IL12RB2: variants seen among roughly 807,000 people sequenced by gnomAD.
IL12RB2 encodes the protein interleukin 12 receptor subunit beta 2.
In IL12RB2, 82 loss-of-function variants were observed where a neutral mutation model predicts 89.4. The observed-to-expected ratio is 0.92, with a 90% CI of 0.77 to 1.10. The LOEUF is 1.10. IL12RB2 is among the 50% of genes least tolerant of loss of function. IL12RB2 has a pLI of 0.00. For synonymous variants in IL12RB2, 368 were observed against 370.1 expected (o/e 0.99, Z 0.07); for missense variants, 963 against 1,031.9 (o/e 0.93, Z 0.92).
At chr1:67,325,866 G>T (rs1361910472) in intron 4 of IL12RB2, among the ~76,000 whole-genome samples, 1 of 152,180 alleles carries the variant, frequency 6.6e-6, no homozygotes, top group Non-Finnish European at 1.5e-5. Context: ...TGACTGAATA[G>T]CTGAGTATTT....
chr1:67,372,063 G>GGTGC (rs1334740337), intron 11 of IL12RB2, among the ~76,000 whole-genome samples: 1 of 84,650 alleles, frequency 1.2e-5, no homozygotes, highest in Non-Finnish European at 2.9e-5. Context: ...AAGCAGTCTG[G>GGTGC]GTGCGTGTGT....
At chr1:67,381,700 A>G (rs1664593329) in intron 14 of IL12RB2, among the ~76,000 whole-genome samples, 1 of 150,378 alleles carries the variant, frequency 6.6e-6, no homozygotes, top group African/African-American at 2.4e-5. Context: ...CAGGAGGCGG[A>G]GCTTGCAGTG....
intron 1 of IL12RB2, among the ~76,000 whole-genome samples, chr1:67,313,221 G>GT (rs17838099): frequency 2.0e-5 from 3 of 152,244 alleles, no homozygotes; most frequent in East Asian, 3.9e-4. Context: ...AATAGCATCA[G>GT]ATACGGTTAC....
intron 8 of IL12RB2, among the ~76,000 whole-genome samples, chr1:67,333,783 T>A (rs1413339925): frequency 1.3e-5 from 2 of 152,186 alleles, no homozygotes; most frequent in Non-Finnish European, 2.9e-5. Context: ...GCTCAAGGTG[T>A]CCAGACATGC....
At position 67,330,698 on chromosome 1, in the gene IL12RB2, G is replaced by C. The variant is rs185092197; in HGVS notation, c.846G>C (p.Leu282=). Residue 282 remains leucine (L), a synonymous_variant, in exon 8 of 17, where the codon CTG becomes CTC. Transcript: ENST00000674203. ...VTKAKGRHDL[L]DLKPFTEYEF... ...AGGCCAAAGGAAGACATGATTTGCT[G>C]GATCTGAAACCATTTACAGAATATG... 14 of 1,557,090 alleles carry C rather than the reference G, an allele frequency of 9.0e-6. No individual in the cohort carries two copies. The Admixed American group carries it at 1.2e-4, about 13-fold the overall frequency.
intron 4 of IL12RB2, among the ~76,000 whole-genome samples, chr1:67,325,826 C>T (rs996967062): frequency 6.6e-6 from 1 of 152,156 alleles, no homozygotes; most frequent in African/African-American, 2.4e-5. Flanking sequence ...TGTATCTACA[C>T]GTGGGTCTGG....
At chr1:67,347,644 T>C (rs1208897999) in intron 9 of IL12RB2, among the ~76,000 whole-genome samples, 1 of 152,170 alleles carries the variant, frequency 6.6e-6, no homozygotes, top group African/African-American at 2.4e-5. Context: ...ATTTAAATCA[T>C]TTCCCACAGG....
At position 67,351,018 on chromosome 1, in the gene IL12RB2, C is replaced by T. The variant is rs61731150; in HGVS notation, c.1187C>T (p.Ala396Val). Residue 396 changes from alanine to valine, a missense_variant, in exon 10 of 17, where the codon GCT becomes GTT. Transcript: ENST00000674203. ...VIPRTGNWAVAVSAANSKGSS... is the reference protein window; with the variant it reads ...VIPRTGNWAVVVSAANSKGSS... ...CCTAGAACCGGAAATTGGGCTGTGGCTGTGTCTGCAGCAAATTCAAAAGGC... is the reference window on the plus strand; with the variant it reads ...CCTAGAACCGGAAATTGGGCTGTGGTTGTGTCTGCAGCAAATTCAAAAGGC... 5,060 of 1,614,040 alleles carry T rather than the reference C, an allele frequency of 3.1e-3. 43 individuals carry two copies. Among genetic ancestry groups the T allele is most frequent in the African/African-American group, 0.024 (1,767 of 75,040 alleles).
chr1:67,352,384 C>T (rs1351358911), intron 10 of IL12RB2, among the ~76,000 whole-genome samples: 1 of 152,234 alleles, frequency 6.6e-6, no homozygotes, highest in South Asian at 2.1e-4. Context: ...TCTGTTCCCT[C>T]TGCCAAGTTT....
intron 13 of IL12RB2, among the ~76,000 whole-genome samples, chr1:67,373,095 C>T (rs1663550304): frequency 6.6e-6 from 1 of 152,120 alleles, no homozygotes; most frequent in African/African-American, 2.4e-5. Flanking sequence ...AATAAAGTCA[C>T]TTCAGTACTG....
At chr1:67,374,566 C>T (rs1286772784) in intron 13 of IL12RB2, among the ~76,000 whole-genome samples, 4 of 151,594 alleles carry the variant, frequency 2.6e-5, no homozygotes, top group Non-Finnish European at 4.4e-5. Flanking sequence ...ACCTCTACCT[C>T]CCGGGTTCAA....
At chr1:67,372,595 G>C (rs750989714) in intron 12 of IL12RB2, 30 bp from the exon 13 acceptor site, 5 of 1,611,644 alleles carry the variant, frequency 3.1e-6, no homozygotes, top group African/African-American at 1.3e-5. Flanking sequence ...TTTGGAGGGT[G>C]ACAGAAGCCT....
Position 67,338,688 on chromosome 1 carries a change from T to A in IL12RB2, c.1023T>A (p.Ile341=). ...ACATTGACTACAGTAGACAACAGAT[T>A]TCTCTTTTCTGGAAGGTGAGTTTTA... The part of the protein sequence containing the change: ...KRHIDYSRQQ[I]SLFWKNLSVS... The change falls in exon 9 of 17, where the codon ATT becomes ATA. Residue 341 remains isoleucine, a synonymous_variant. Transcript: ENST00000674203. 6.6e-7 allele frequency: 1 copy of A among 1,517,726 alleles called. No homozygotes were observed. Among genetic ancestry groups the A allele is most frequent in the Non-Finnish European group, 9.2e-7 (1 of 1,092,072 alleles). The allele number at this position is 1,517,726 out of a possible 1,614,324, so 94.0% of individuals were successfully genotyped here.
chr1:67,355,568 G>A (rs1661304256), intron 10 of IL12RB2, among the ~76,000 whole-genome samples: 1 of 152,108 alleles, frequency 6.6e-6, no homozygotes, highest in African/African-American at 2.4e-5. Context: ...CATAAACACA[G>A]GCTCACAGAG....
At chr1:67,360,908 G>T (rs998463611) in intron 10 of IL12RB2, among the ~76,000 whole-genome samples, 1 of 152,086 alleles carries the variant, frequency 6.6e-6, no homozygotes, top group Non-Finnish European at 1.5e-5. Context: ...TAACCAGCCT[G>T]GTGGGAGGAA....
At chr1:67,370,953 T>C (rs908015083) in intron 11 of IL12RB2, among the ~76,000 whole-genome samples, 8 of 152,224 alleles carry the variant, frequency 5.3e-5, no homozygotes, top group African/African-American at 9.6e-5. Context: ...TGAACTCACA[T>C]TTTGAATGGC....
intron 4 of IL12RB2, among the ~76,000 whole-genome samples, chr1:67,322,600 C>G (rs1656708880): frequency 6.6e-6 from 1 of 152,106 alleles, no homozygotes; most frequent in African/African-American, 2.4e-5. Context: ...ACAGCTTCAA[C>G]AGAAAATGCA....
At chr1:67,330,538 G>T (rs561366509) in intron 7 of IL12RB2, 122 bp from the exon 8 acceptor site, 2 of 660,102 alleles carry the variant, frequency 3.0e-6, no homozygotes, top group Non-Finnish European at 2.7e-6. Context: ...CTCATTTAAT[G>T]GTAGGTCTGA....
intron 8 of IL12RB2, among the ~76,000 whole-genome samples, chr1:67,335,135 C>T (rs1368317904): frequency 1.3e-5 from 2 of 152,288 alleles, no homozygotes; most frequent in South Asian, 2.1e-4. Flanking sequence ...TGAAGAAGAG[C>T]AGAGATATCA....
Sources: gnomAD v4.1 joint callset for allele counts (sites outside exome capture counted in the v4.1 genomes callset) on GRCh38, gnomAD v4.1.1 for gene constraint, MANE v1.5 for transcripts, NCBI Gene and HGNC (gene_info 2026-07-23, HGNC 2026-07-21) for gene names.